The following CTNNA2 variants were observed in gnomAD, a reference collection of about 807,000 sequenced individuals.
The protein encoded by CTNNA2 is catenin alpha-2.
CTNNA2 carries 42 observed loss-of-function variants against 101.0 expected under a neutral mutation model. The ratio of observed to expected loss-of-function variants is 0.42; its 90% CI spans 0.32 to 0.54. The LOEUF is 0.54. CTNNA2 is among the 20% of genes least tolerant of loss of function. The pLI is 0.14. For synonymous variants in CTNNA2, 450 were observed against 456.4 expected, an observed-to-expected ratio of 0.99 and a Z score of 0.18; for missense variants, 871 against 1,223.1, an observed-to-expected ratio of 0.71 and a Z score of 4.29.
At chr2:80,149,597 A>G (rs2148925377) in intron 7 of CTNNA2, among the ~76,000 whole-genome samples, 1 of 152,248 alleles carries the variant, frequency 6.6e-6, no homozygotes, top group East Asian at 1.9e-4. Context: ...ATACCCCTTA[A>G]TATGCACCAT....
At chr2:79,383,662 C>G (rs1357767531) in intron 4 of CTNNA2, among the ~76,000 whole-genome samples, 1 of 152,144 alleles carries the variant, frequency 6.6e-6, no homozygotes, top group Non-Finnish European at 1.5e-5. Flanking sequence ...TGATGCCGAG[C>G]CCTAGGTGGT....
At chr2:80,045,381 G>GC (rs1284653577) in intron 7 of CTNNA2, among the ~76,000 whole-genome samples, 1 of 152,072 alleles carries the variant, frequency 6.6e-6, no homozygotes, top group Non-Finnish European at 1.5e-5. Context: ...AGTTGTAATA[G>GC]TTTATCACTA....
chr2:80,275,753 A>T (rs927832840), intron 7 of CTNNA2, among the ~76,000 whole-genome samples: 1 of 152,166 alleles, frequency 6.6e-6, no homozygotes, highest in South Asian at 2.1e-4. Flanking sequence ...TAAACTTCCA[A>T]ACGGAAAAAT....
At chr2:80,220,256 C>T (rs147434263) in intron 7 of CTNNA2, among the ~76,000 whole-genome samples, 28 of 152,314 alleles carry the variant, frequency 1.8e-4, no homozygotes, top group African/African-American at 5.3e-4. Flanking sequence ...ACACAATGCT[C>T]CTCTCTCCCC....
intron 7 of CTNNA2, among the ~76,000 whole-genome samples, chr2:80,060,906 C>T (rs1697557206): frequency 6.6e-6 from 1 of 152,124 alleles, no homozygotes; most frequent in Non-Finnish European, 1.5e-5. Context: ...GTTATATGAA[C>T]CCACATCCAG....
intron 3 of CTNNA2, among the ~76,000 whole-genome samples, chr2:79,353,174 A>C (rs1171666753): frequency 1.3e-5 from 2 of 152,174 alleles, no homozygotes; most frequent in African/African-American, 4.8e-5. Context: ...CTGCATTCCA[A>C]ATATTTTGGT....
chr2:80,091,988 A>G (rs1341871622), intron 7 of CTNNA2, among the ~76,000 whole-genome samples: 2 of 152,116 alleles, frequency 1.3e-5, no homozygotes, highest in African/African-American at 4.8e-5. Flanking sequence ...TCTTTTTATT[A>G]GCCAAAAAGC....
At chr2:79,986,320 T>C (rs369617283) in intron 7 of CTNNA2, among the ~76,000 whole-genome samples, 3 of 152,114 alleles carry the variant, frequency 2.0e-5, no homozygotes, top group African/African-American at 7.2e-5. Context: ...TTGAGGATAT[T>C]CCTCTTTACT....
chr2:79,954,231 C>G (rs559825462), intron 7 of CTNNA2, among the ~76,000 whole-genome samples: 1 of 152,274 alleles, frequency 6.6e-6, no homozygotes, highest in Non-Finnish European at 1.5e-5. Context: ...CCCCAAAAAT[C>G]CAGTGATTTT....
At chr2:79,852,436 G>A (rs185441578) in intron 3 of CTNNA2, among the ~76,000 whole-genome samples, 2 of 152,136 alleles carry the variant, frequency 1.3e-5, no homozygotes, top group Admixed American at 1.3e-4. Context: ...CTCTTATTCT[G>A]GCTGTTTCAT....
chr2:79,337,995 T>C (rs977636278), intron 3 of CTNNA2, among the ~76,000 whole-genome samples: 1 of 151,930 alleles, frequency 6.6e-6, no homozygotes, highest in African/African-American at 2.4e-5. Context: ...CTTGTAAACC[T>C]AGCACTTTAG....
chr2:80,543,183 G>C (rs1691729839), intron 9 of CTNNA2, among the ~76,000 whole-genome samples: 1 of 152,150 alleles, frequency 6.6e-6, no homozygotes, highest in Non-Finnish European at 1.5e-5. Context: ...CACTTGGATT[G>C]TAAAATGAAC....
chr2:80,573,273 T>TG (rs1391031060), intron 12 of CTNNA2: 1 of 152,232 alleles, frequency 6.6e-6, no homozygotes, highest in Non-Finnish European at 1.5e-5. Flanking sequence ...AAGAAGTTAG[T>TG]GGAGGTGTTC....
intron 7 of CTNNA2, among the ~76,000 whole-genome samples, chr2:80,388,988 G>A (rs1677261284): frequency 6.6e-6 from 1 of 152,154 alleles, no homozygotes; most frequent in Non-Finnish European, 1.5e-5. Flanking sequence ...TCTCAGACTA[G>A]TTGTGTATTT....
chr2:79,768,655 G>A (rs1673344692), intron 3 of CTNNA2, among the ~76,000 whole-genome samples: 2 of 151,736 alleles, frequency 1.3e-5, no homozygotes, highest in Non-Finnish European at 2.9e-5. Flanking sequence ...ATAAAAGGAG[G>A]GTTTTTTCCC....
intron 2 of CTNNA2, among the ~76,000 whole-genome samples, chr2:79,728,769 G>T (rs945711548): frequency 6.6e-6 from 1 of 152,156 alleles, no homozygotes; most frequent in Non-Finnish European, 1.5e-5. Flanking sequence ...GTAAGGAAGG[G>T]ATCCAGTTTC....
At chr2:79,476,218 C>G (rs372915927) in intron 4 of CTNNA2, among the ~76,000 whole-genome samples, 2 of 152,198 alleles carry the variant, frequency 1.3e-5, no homozygotes, top group African/African-American at 4.8e-5. Flanking sequence ...CTCAGCCAAG[C>G]CATGCAAGGA....
intron 7 of CTNNA2, among the ~76,000 whole-genome samples, chr2:80,149,322 A>G (rs1703549196): frequency 6.6e-6 from 1 of 152,168 alleles, no homozygotes; most frequent in South Asian, 2.1e-4. Context: ...GACTTATAAA[A>G]TACATGTTTT....
At chr2:79,340,820 C>A (rs1462089035) in intron 3 of CTNNA2, among the ~76,000 whole-genome samples, 1 of 104,708 alleles carries the variant, frequency 9.6e-6, no homozygotes, top group Non-Finnish European at 1.7e-5. Flanking sequence ...GGCTACAGAG[C>A]GAGACTCAGT....
Sources: gnomAD v4.1 joint callset for allele counts (sites outside exome capture counted in the v4.1 genomes callset) on GRCh38, gnomAD v4.1.1 for gene constraint, MANE v1.5 for transcripts, NCBI Gene and HGNC (gene_info 2026-07-23, HGNC 2026-07-21) for gene names.